SLC16A10: variants seen among roughly 807,000 people sequenced by gnomAD.
SLC16A10 encodes solute carrier family 16 member 10.
Under a neutral mutation model 40.0 loss-of-function variants are expected in SLC16A10, and 27 were observed. The ratio of observed to expected loss-of-function variants is 0.67; its 90% confidence interval spans 0.50 to 0.93. The LOEUF is 0.93. Among genes scored for constraint, SLC16A10 ranks in the 40% least tolerant of loss-of-function variants. SLC16A10 has a pLI of 0.00. For missense variants in SLC16A10, 529 were observed against 658.2 expected, an observed-to-expected ratio of 0.80 and a Z score of 2.15; for synonymous variants, 213 against 249.8, an observed-to-expected ratio of 0.85 and a Z score of 1.39.
intron 5 of SLC16A10, 46 bp from the exon 6 acceptor site, chr6:111,221,957 A>G (rs758337104): frequency 6.9e-5 from 108 of 1,559,998 alleles, no homozygotes; most frequent in Middle Eastern, 6.8e-4. Context: ...GACCCCCTAC[A>G]GAGCCACACT....
chr6:111,114,358 G>A (rs769028751), intron 1 of SLC16A10, among the ~76,000 whole-genome samples: 2 of 152,146 alleles, frequency 1.3e-5, no homozygotes, highest in African/African-American at 4.8e-5. Flanking sequence ...AAAAAGTCAT[G>A]TAAAGCAATC....
chr6:111,143,913 C>T (rs1384679008), intron 1 of SLC16A10, among the ~76,000 whole-genome samples: 1 of 152,086 alleles, frequency 6.6e-6, no homozygotes, highest in Non-Finnish European at 1.5e-5. Flanking sequence ...CACTTGAGGC[C>T]AGGAGTTTGA....
intron 1 of SLC16A10, among the ~76,000 whole-genome samples, chr6:111,151,874 G>T (rs1033885555): frequency 1.3e-5 from 2 of 152,146 alleles, no homozygotes; most frequent in African/African-American, 4.8e-5. Context: ...GGAAACAGTG[G>T]TTATTTTTTC....
intron 3 of SLC16A10, among the ~76,000 whole-genome samples, chr6:111,187,803 G>T (rs964035091): frequency 6.6e-6 from 1 of 152,196 alleles, no homozygotes; most frequent in African/African-American, 2.4e-5. Flanking sequence ...ATTGCAACTG[G>T]CTTTGTTGTC....
chr6:111,209,365 G>A (rs748103698), intron 4 of SLC16A10, among the ~76,000 whole-genome samples: 17 of 152,180 alleles, frequency 1.1e-4, no homozygotes, highest in Non-Finnish European at 2.5e-4. Flanking sequence ...ACTTAGGCTG[G>A]ATCTGAGATT....
intron 1 of SLC16A10, among the ~76,000 whole-genome samples, chr6:111,164,221 T>C (rs562664133): frequency 4.6e-4 from 68 of 146,720 alleles, no homozygotes; most frequent in African/African-American, 1.7e-3. Flanking sequence ...TCCCATGCCT[T>C]CTTATAATCC....
chr6:111,217,703 G>T (rs1253839731), intron 4 of SLC16A10, among the ~76,000 whole-genome samples: 1 of 152,102 alleles, frequency 6.6e-6, no homozygotes, highest in African/African-American at 2.4e-5. Flanking sequence ...GCCCACCTCG[G>T]CCTCCCAAAG....
intron 1 of SLC16A10, among the ~76,000 whole-genome samples, chr6:111,123,897 C>T (rs1370798308): frequency 6.6e-6 from 1 of 152,168 alleles, no homozygotes; most frequent in Admixed American, 6.5e-5. Flanking sequence ...CTTTAATCCT[C>T]TCCCCTCTTC....
At chr6:111,104,625 G>A (rs1771248597) in intron 1 of SLC16A10, among the ~76,000 whole-genome samples, 1 of 152,126 alleles carries the variant, frequency 6.6e-6, no homozygotes, top group Non-Finnish European at 1.5e-5. Flanking sequence ...GAGCGTTAAG[G>A]GTCAGCAAGA....
At chr6:111,145,959 T>C (rs767893650) in intron 1 of SLC16A10, among the ~76,000 whole-genome samples, 1 of 152,190 alleles carries the variant, frequency 6.6e-6, no homozygotes, top group African/African-American at 2.4e-5. Context: ...AATAGATTAA[T>C]TGGACTTCAT....
intron 3 of SLC16A10, among the ~76,000 whole-genome samples, chr6:111,180,045 C>T (rs1285861817): frequency 6.6e-6 from 1 of 152,274 alleles, no homozygotes; most frequent in African/African-American, 2.4e-5. Flanking sequence ...CCTACTAAAC[C>T]CTTTATTGAC....
At chr6:111,115,571 T>G (rs918441993) in intron 1 of SLC16A10, among the ~76,000 whole-genome samples, 1 of 152,252 alleles carries the variant, frequency 6.6e-6, no homozygotes. Flanking sequence ...CATTATTTCT[T>G]GCTGTTAATA....
chr6:111,193,629 C>T (rs1773032582), intron 3 of SLC16A10, among the ~76,000 whole-genome samples: 1 of 152,054 alleles, frequency 6.6e-6, no homozygotes, highest in African/African-American at 2.4e-5. Context: ...CCAAGTTTGT[C>T]CTGTGTTCCA....
intron 1 of SLC16A10, among the ~76,000 whole-genome samples, chr6:111,169,705 A>T (rs761517343): frequency 2.6e-5 from 4 of 152,204 alleles, no homozygotes; most frequent in Non-Finnish European, 5.9e-5. Flanking sequence ...GGGCCTGTTG[A>T]AGTGTTCATC....
Position 111,088,024 on chromosome 6 carries a change from G to C in SLC16A10, c.272G>C (p.Cys91Ser). 1 of 1,609,756 alleles carries C rather than the reference G, an allele frequency of 6.2e-7. No homozygotes were observed. The highest frequency in any genetic ancestry group is 1.1e-5 in the South Asian group (1 of 90,406). Residue 91 changes from cysteine to serine, a missense_variant, in exon 1 of 6, where the codon TGC becomes TCC. Coordinates refer to ENST00000368851, the MANE Select transcript of SLC16A10 (RefSeq NM_018593.5). ...TCGGTGTTCGGCATCCAGAACGCTTGCGGGGTGCTCTTCGTGTCCATGCTG... is the reference window on the plus strand; with the variant it reads ...TCGGTGTTCGGCATCCAGAACGCTTCCGGGGTGCTCTTCGTGTCCATGCTG... ...NGSVFGIQNA[C>S]GVLFVSMLET...
intron 3 of SLC16A10, 88 bp downstream of exon 3, chr6:111,177,753 G>A (rs765226647): frequency 2.6e-4 from 321 of 1,212,374 alleles, no homozygotes; most frequent in Admixed American, 5.5e-4. Context: ...GTTAAAGTTG[G>A]CCTCAAACAT....
At chr6:111,160,265 G>T (rs939390963) in intron 1 of SLC16A10, among the ~76,000 whole-genome samples, 1 of 152,182 alleles carries the variant, frequency 6.6e-6, no homozygotes, top group African/African-American at 2.4e-5. Flanking sequence ...TTGAGACAGA[G>T]TCTCACTCTG....
chr6:111,217,855 C>T (rs1464853362), intron 4 of SLC16A10, among the ~76,000 whole-genome samples: 1 of 152,170 alleles, frequency 6.6e-6, no homozygotes, highest in Non-Finnish European at 1.5e-5. Flanking sequence ...ACTACGGCAG[C>T]ATATAAACAC....
At chr6:111,138,323 G>C (rs1771918914) in intron 1 of SLC16A10, among the ~76,000 whole-genome samples, 1 of 152,222 alleles carries the variant, frequency 6.6e-6, no homozygotes. Context: ...ACTAAAACTA[G>C]AATCTGGTCT....
Sources: gnomAD v4.1 joint callset for allele counts (sites outside exome capture counted in the v4.1 genomes callset) on GRCh38, gnomAD v4.1.1 for gene constraint, MANE v1.5 for transcripts, NCBI Gene and HGNC (gene_info 2026-07-23, HGNC 2026-07-21) for gene names.